HNRNPD: variants seen among roughly 807,000 people sequenced by gnomAD.
The protein encoded by HNRNPD is heterogeneous nuclear ribonucleoprotein D, also known as heterogeneous nuclear ribonucleoprotein D0.
HNRNPD carries 3 observed loss-of-function variants against 47.9 expected under a neutral mutation model. The ratio of observed to expected loss-of-function variants is 0.06; its 90% CI spans 0.03 to 0.16. The LOEUF (loss-of-function observed/expected upper bound fraction) is 0.16. Among genes scored for constraint, HNRNPD ranks in the 10% least tolerant of loss-of-function variants. HNRNPD has a pLI of 1.00. For missense variants in HNRNPD, 287 were observed against 454.2 expected (o/e 0.63, Z 3.35); for synonymous variants, 171 against 165.1 (o/e 1.04, Z -0.28).
chr4:82,368,685 T>C (rs989273588), intron 2 of HNRNPD, among the ~76,000 whole-genome samples: 2 of 152,220 alleles, frequency 1.3e-5, no homozygotes. Context: ...GTCTCAACTT[T>C]ACTACATACA....
At chr4:82,364,429 T>C (rs760839670) in intron 2 of HNRNPD, among the ~76,000 whole-genome samples, 5 of 152,228 alleles carry the variant, frequency 3.3e-5, no homozygotes, top group Non-Finnish European at 7.3e-5. Context: ...AAATGATTGA[T>C]AGAAGTTACT....
At chr4:82,363,227 C>T (rs949040039) in intron 2 of HNRNPD, among the ~76,000 whole-genome samples, 3 of 151,930 alleles carry the variant, frequency 2.0e-5, no homozygotes, top group Non-Finnish European at 4.4e-5. Context: ...CAGGTGCATG[C>T]CACCATGCCA....
intron 2 of HNRNPD, among the ~76,000 whole-genome samples, chr4:82,369,287 G>A (rs1053638528): frequency 2.0e-5 from 3 of 152,240 alleles, no homozygotes; most frequent in African/African-American, 4.8e-5. Context: ...TAAAAACTAC[G>A]GATGTTAATG....
chr4:82,362,789 G>A (rs562333708), intron 2 of HNRNPD, among the ~76,000 whole-genome samples: 3 of 152,072 alleles, frequency 2.0e-5, no homozygotes, highest in East Asian at 1.9e-4. Flanking sequence ...TAGTAGAGAC[G>A]GGGTTTCCCC....
Position 82,373,573 on chromosome 4 carries a change from C to A in HNRNPD, c.106G>T (p.Gly36Trp), listed in dbSNP as rs1720242617. 2.6e-6 allele frequency: 4 copies of A among 1,539,130 alleles called. No homozygotes were observed. The highest frequency in any genetic ancestry group is 2.6e-6 in the Non-Finnish European group (3 of 1,144,180). The change falls in exon 1 of 9, where the codon GGG becomes TGG. Residue 36 changes from glycine to tryptophan, a missense_variant. Transcript: ENST00000313899. ...CCGCTTCCCGCCGCCGCCGCTGCCC[C>A]CTGTGTCGCCGCCACCATGGCTCCC... ...QEGAMVAATQGAAAAAGSGAG... is the reference protein window; with the variant it reads ...QEGAMVAATQWAAAAAGSGAG...
intron 2 of HNRNPD, among the ~76,000 whole-genome samples, chr4:82,370,500 A>G (rs182044492): frequency 6.6e-6 from 1 of 151,734 alleles, no homozygotes; most frequent in East Asian, 2.0e-4. Flanking sequence ...TACAGGGAAT[A>G]ACATTCATCG....
chr4:82,363,367 G>A (rs533519634), intron 2 of HNRNPD, among the ~76,000 whole-genome samples: 1 of 152,240 alleles, frequency 6.6e-6, no homozygotes, highest in East Asian at 1.9e-4. Context: ...ACCATGCCCG[G>A]CTAAATTATC....
At chr4:82,358,200 G>A (rs941259536) in intron 4 of HNRNPD, 3 of 153,210 alleles carry the variant, frequency 2.0e-5, no homozygotes, top group Non-Finnish European at 2.9e-5. Flanking sequence ...CACCCACTTC[G>A]GCCTCCCAAG....
intron 2 of HNRNPD, among the ~76,000 whole-genome samples, chr4:82,370,634 A>G (rs762186070): frequency 6.6e-6 from 1 of 152,172 alleles, no homozygotes; most frequent in East Asian, 1.9e-4. Flanking sequence ...GTGATAAGCA[A>G]ATCTTTAAAT....
chr4:82,355,211 T>C, intron 8 of HNRNPD, 93 bp downstream of exon 8: 1 of 739,828 alleles, frequency 1.4e-6, no homozygotes, highest in Non-Finnish European at 2.3e-6. Flanking sequence ...CTGGGTGCTG[T>C]GAAACTCTTA....
intron 3 of HNRNPD, 44 bp from the exon 4 acceptor site, chr4:82,358,864 T>G (rs773842895): frequency 7.2e-6 from 10 of 1,395,160 alleles, no homozygotes. Flanking sequence ...ATATCTTAAC[T>G]GAAGTTCAGA....
chr4:82,357,421 C>A lies in HNRNPD; in HGVS notation c.645G>T (p.Met215Ile), dbSNP rs1201994969. Residue 215 changes from methionine to isoleucine, a missense_variant, in exon 5 of 9, where the codon ATG becomes ATT. Coordinates refer to ENST00000313899, the MANE Select transcript of HNRNPD (RefSeq NM_031370.3). ...CACGCCTCTTATTGGTCTTGTTGTC[C>A]ATGGGGAGCTCTATGGATTCCACCT... ...FGEVESIELP[M>I]DNKTNKRRGF... is the part of the protein sequence containing the mutation. The A allele has an allele frequency of 1.9e-6, 3 of 1,611,208 alleles. No homozygotes were observed. Among genetic ancestry groups the A allele is most frequent in the Middle Eastern group, 1.7e-4 (1 of 5,912 alleles).
At chr4:82,367,137 T>C (rs921773236) in intron 2 of HNRNPD, among the ~76,000 whole-genome samples, 7 of 151,632 alleles carry the variant, frequency 4.6e-5, no homozygotes, top group African/African-American at 1.7e-4. Flanking sequence ...GAGTAGCCAG[T>C]GATTACAGGC....
chr4:82,357,671 C>G, intron 4 of HNRNPD: 1 of 348,896 alleles, frequency 2.9e-6, no homozygotes, highest in Non-Finnish European at 5.1e-6. Flanking sequence ...AGCTTTACCA[C>G]GCACTGACAT....
Position 82,371,549 on chromosome 4 carries a change from G to A in HNRNPD, c.269C>T (p.Ala90Val). The A allele has an allele frequency of 6.2e-7, 1 of 1,612,978 alleles. No individual in the cohort carries two copies. Among genetic ancestry groups the A allele is most frequent in the Non-Finnish European group, 8.5e-7 (1 of 1,179,172 alleles). The change falls in exon 2 of 9, where the codon GCG becomes GTG. Residue 90 changes from alanine (A) to valine (V), a missense_variant. Ala to Val is a moderately conservative substitution (Grantham distance 64). Around this residue, in one of 5 missense-constraint regions of HNRNPD, gnomAD observed 161 missense variants for 137.1 expected, o/e 1.17. Transcript: ENST00000313899. ...TTACCATTCTTCCCGCTGTGCCGTC[G>A]CTGCTTCAGAGTGTCGTGGGGAGGA... Reference protein sequence around the residue: ...SNSSPRHSEAATAQREEWKMF... With the variant: ...SNSSPRHSEAVTAQREEWKMF...
intron 1 of HNRNPD, chr4:82,373,187 G>A: frequency 1.5e-6 from 1 of 673,400 alleles, no homozygotes. Context: ...AGGGAGGAAA[G>A]GAGGGCGGGC....
chr4:82,367,985 G>A (rs1370820675), intron 2 of HNRNPD, among the ~76,000 whole-genome samples: 1 of 152,180 alleles, frequency 6.6e-6, no homozygotes, highest in Non-Finnish European at 1.5e-5. Context: ...TGAAGCAACA[G>A]AAAGAGATCC....
intron 5 of HNRNPD, 125 bp downstream of exon 5, chr4:82,357,188 T>C (rs1578046553): frequency 5.3e-6 from 6 of 1,140,480 alleles, no homozygotes; most frequent in East Asian, 2.5e-5. Context: ...AGTTGGTCAA[T>C]GGTAAGTAAC....
intron 8 of HNRNPD, 149 bp from the exon 9 acceptor site, chr4:82,354,303 G>A (rs1723627579): frequency 6.6e-6 from 1 of 152,254 alleles, no homozygotes; most frequent in African/African-American, 2.4e-5. Flanking sequence ...AATTAAAGCT[G>A]AACAGTAGAG....
Sources: allele counts gnomAD v4.1 joint callset (sites outside exome capture counted in the v4.1 genomes callset), GRCh38; gene constraint gnomAD v4.1.1; regional missense constraint gnomAD v4.1.1; transcripts MANE v1.5; gene names NCBI Gene and HGNC (gene_info 2026-07-23, HGNC 2026-07-21).